SH3KBP1: variants seen among roughly 807,000 people sequenced by gnomAD.
SH3KBP1 encodes SH3 domain containing kinase binding protein 1, also known as SH3 domain-containing kinase-binding protein 1.
Under a neutral mutation model 50.1 loss-of-function variants are expected in SH3KBP1, and 8 were observed. That is an observed-to-expected ratio of 0.16 (90% CI 0.09 to 0.29). The LOEUF is 0.29. Ranked by LOEUF, SH3KBP1 falls within the 10% of genes least tolerant of loss-of-function variation. The pLI is 1.00. For missense variants in SH3KBP1, 377 were observed against 535.2 expected (o/e 0.70, Z 2.92); for synonymous variants, 227 against 218.6 (o/e 1.04, Z -0.34).
chrX:19,757,174 G>A (rs1201851370), intron 2 of SH3KBP1, among the ~76,000 whole-genome samples: 20 of 71,518 alleles, frequency 2.8e-4, no homozygotes, highest in African/African-American at 1.2e-3. Flanking sequence ...TTGCAAACAA[G>A]TGTGAACGGA....
chrX:19,807,480 C>A (rs1238192158), intron 2 of SH3KBP1, among the ~76,000 whole-genome samples: 1 of 111,040 alleles, frequency 9.0e-6, no homozygotes, highest in African/African-American at 3.3e-5. Flanking sequence ...GAGCCTCTTC[C>A]TCATCATTCA....
intron 6 of SH3KBP1, among the ~76,000 whole-genome samples, chrX:19,662,865 G>T (rs1164222342): frequency 9.4e-6 from 1 of 106,461 alleles, no homozygotes; most frequent in Non-Finnish European, 1.9e-5. Context: ...GGTGGGGACA[G>T]ATTCAGTAAA....
At chrX:19,627,177 G>A (rs1043020811) in intron 8 of SH3KBP1, among the ~76,000 whole-genome samples, 1 of 112,329 alleles carries the variant, frequency 8.9e-6, no homozygotes, top group African/African-American at 3.2e-5. Context: ...AGTGGGAGCT[G>A]TGAGGAATGG....
rs139744607 is a variant in SH3KBP1 at position 19,609,784 on chromosome X, A to C, written c.898-1739T>G. On this transcript the variant is annotated intron_variant, in intron 8 of 17. Transcript: ENST00000397821. ...TTCACCATTATACCCCCAGCCATGT[A>C]CACAATGCCTCATATAATAAGTATT... Among the ~76,000 whole-genome samples, 726 of 112,156 alleles carry C rather than the reference A, an allele frequency of 6.5e-3. 8 individuals are homozygous for C. The highest frequency in any genetic ancestry group is 0.023 in the African/African-American group (701 of 30,875).
chrX:19,670,191 G>T, intron 6 of SH3KBP1: 1 of 141,925 alleles, frequency 7.0e-6, no homozygotes, highest in Non-Finnish European at 1.3e-5. Context: ...ATAATTTAGT[G>T]TCTTAATTTT....
At chrX:19,878,634 T>C (rs955971401) in intron 1 of SH3KBP1, among the ~76,000 whole-genome samples, 13 of 110,590 alleles carry the variant, frequency 1.2e-4, no homozygotes, top group African/African-American at 4.3e-4. Flanking sequence ...TCAACTGGGA[T>C]CCTTGGGCTT....
chrX:19,540,566 C>A lies in SH3KBP1; in HGVS notation c.1892+1359G>T, dbSNP rs188024282. Reference sequence around the variant, plus strand: ...AAGTGACCACAAAACACATTAGGGCCCTCAAGCCACGTAGAGGGAGGCAGG... The same window carrying A: ...AAGTGACCACAAAACACATTAGGGCACTCAAGCCACGTAGAGGGAGGCAGG... On this transcript the variant is annotated intron_variant, in intron 16 of 17. Coordinates refer to ENST00000397821, the MANE Select transcript of SH3KBP1 (RefSeq NM_031892.3). Among the ~76,000 whole-genome samples the A allele has an allele frequency of 1.6e-3, 183 of 111,299 alleles. 1 individual carries two copies. Among genetic ancestry groups the A allele is most frequent in the African/African-American group, 5.2e-3 (159 of 30,570 alleles).
intron 13 of SH3KBP1, among the ~76,000 whole-genome samples, chrX:19,563,381 G>A (rs2065741819): frequency 8.9e-6 from 1 of 112,128 alleles, no homozygotes. Flanking sequence ...CTGAGAGGCT[G>A]GGAACCAGGG....
At chrX:19,666,718 T>C (rs1292085354) in intron 6 of SH3KBP1, among the ~76,000 whole-genome samples, 1 of 111,256 alleles carries the variant, frequency 9.0e-6, no homozygotes, top group Non-Finnish European at 1.9e-5. Flanking sequence ...CATGGAGAAA[T>C]TGGAACTCTC....
At chrX:19,635,247 G>A (rs2061673438) in intron 7 of SH3KBP1, among the ~76,000 whole-genome samples, 1 of 111,733 alleles carries the variant, frequency 8.9e-6, no homozygotes, top group Non-Finnish European at 1.9e-5. Flanking sequence ...CCATAAAAAG[G>A]AATGAGATCA....
intron 4 of SH3KBP1, 84 bp from the exon 5 acceptor site, chrX:19,695,825 T>C: frequency 7.2e-6 from 7 of 966,730 alleles, no homozygotes; most frequent in Non-Finnish European, 1.0e-5. Context: ...ATATGTATAG[T>C]GTAGCATGCA....
intron 6 of SH3KBP1, among the ~76,000 whole-genome samples, chrX:19,667,045 A>G (rs1414641286): frequency 8.9e-6 from 1 of 112,552 alleles, no homozygotes; most frequent in Admixed American, 9.4e-5. Context: ...GATATGTGCC[A>G]CAACATGAAG....
chrX:19,563,751 G>A (rs939907131), intron 13 of SH3KBP1, among the ~76,000 whole-genome samples: 5 of 111,967 alleles, frequency 4.5e-5, no homozygotes, highest in Admixed American at 9.4e-5. Flanking sequence ...AGTAGCAACC[G>A]TATCTCCTGT....
intron 1 of SH3KBP1, among the ~76,000 whole-genome samples, chrX:19,840,236 A>C (rs764064220): frequency 1.3e-4 from 14 of 111,868 alleles, no homozygotes; most frequent in Admixed American, 6.7e-4. Flanking sequence ...TAGAACTTTG[A>C]TGTCCAATAC....
intron 3 of SH3KBP1, among the ~76,000 whole-genome samples, chrX:19,733,827 A>G (rs771672673): frequency 8.4e-4 from 94 of 111,859 alleles, no homozygotes; most frequent in African/African-American, 2.8e-3. Flanking sequence ...TTAACAAATG[A>G]CGGAAGAAAA....
intron 2 of SH3KBP1, among the ~76,000 whole-genome samples, chrX:19,829,863 G>A (rs147308600): frequency 0.011 from 1,212 of 111,264 alleles, 54 homozygotes; most frequent in Admixed American, 0.1. Context: ...AACAAGGGGT[G>A]GATTATTCAT....
chrX:19,851,579 G>A (rs776368844), intron 1 of SH3KBP1, among the ~76,000 whole-genome samples: 6 of 112,622 alleles, frequency 5.3e-5, no homozygotes, highest in Non-Finnish European at 1.1e-4. Context: ...CTCTGTCACC[G>A]AGGATGGAGT....
At chrX:19,746,061 G>C (rs2064909591) in intron 3 of SH3KBP1, among the ~76,000 whole-genome samples, 1 of 112,765 alleles carries the variant, frequency 8.9e-6, no homozygotes, top group Admixed American at 9.3e-5. Flanking sequence ...GAAATCTACA[G>C]CTCCAGAAAA....
intron 2 of SH3KBP1, among the ~76,000 whole-genome samples, chrX:19,829,858 G>C (rs910021278): frequency 3.6e-5 from 4 of 111,403 alleles, no homozygotes; most frequent in Non-Finnish European, 7.5e-5. Flanking sequence ...TGCCAAACAA[G>C]GGGTGGATTA....
Sources: gnomAD v4.1 joint callset for allele counts (sites outside exome capture counted in the v4.1 genomes callset) on GRCh38, gnomAD v4.1.1 for gene constraint, MANE v1.5 for transcripts, NCBI Gene and HGNC (gene_info 2026-07-23, HGNC 2026-07-21) for gene names.